NAPB: variants seen among roughly 807,000 people sequenced by gnomAD.
NAPB encodes beta-soluble NSF attachment protein.
In NAPB, 26 loss-of-function variants were observed where a neutral mutation model predicts 44.7. The observed-to-expected ratio is 0.58, with a 90% CI of 0.43 to 0.81. The LOEUF (loss-of-function observed/expected upper bound fraction) is 0.81, where lower values mean the gene tolerates loss of function less well. Ranked by LOEUF, NAPB falls within the 30% of genes least tolerant of loss-of-function variation. NAPB has a pLI of 0.00. For synonymous variants in NAPB, 120 were observed against 116.8 expected (o/e 1.03, Z -0.18); for missense variants, 315 against 356.4 (o/e 0.88, Z 0.94).
intron 1 of NAPB, among the ~76,000 whole-genome samples, chr20:23,406,070 A>C (rs1253378939): frequency 2.0e-5 from 3 of 152,196 alleles, no homozygotes; most frequent in Non-Finnish European, 1.5e-5. Context: ...AGAGCTTGTG[A>C]AAGGGAGGTT....
intron 5 of NAPB, among the ~76,000 whole-genome samples, chr20:23,391,238 G>A (rs1983934874): frequency 6.6e-6 from 1 of 152,168 alleles, no homozygotes; most frequent in Non-Finnish European, 1.5e-5. Flanking sequence ...TTGAACCGGG[G>A]AGGCAGAGGT....
At chr20:23,393,793 T>G (rs1385395059) in intron 5 of NAPB, among the ~76,000 whole-genome samples, 1 of 151,994 alleles carries the variant, frequency 6.6e-6, no homozygotes, top group Non-Finnish European at 1.5e-5. Flanking sequence ...AGGTAATAAA[T>G]GAGCAAAAAT....
intron 10 of NAPB, 194 bp downstream of exon 10, chr20:23,379,251 A>T (rs1192043083): frequency 2.1e-6 from 1 of 473,324 alleles, no homozygotes; most frequent in Non-Finnish European, 3.7e-6. Flanking sequence ...TTTGAGTGTA[A>T]GTCGAATCTC....
chr20:23,420,769 G>A (rs1002065842), intron 1 of NAPB, among the ~76,000 whole-genome samples: 2 of 151,878 alleles, frequency 1.3e-5, no homozygotes, highest in Non-Finnish European at 2.9e-5. Context: ...CAGGGCGAGG[G>A]GGGCGATCTG....
intron 1 of NAPB, among the ~76,000 whole-genome samples, chr20:23,410,239 G>A (rs2424545): frequency 0.3 from 45,230 of 151,910 alleles, 6,764 homozygotes; most frequent in Middle Eastern, 0.38. Context: ...TAAAGAAACC[G>A]CACTTAACTG....
At chr20:23,404,715 T>C (rs1985108335) in intron 1 of NAPB, among the ~76,000 whole-genome samples, 1 of 152,210 alleles carries the variant, frequency 6.6e-6, no homozygotes, top group Admixed American at 6.5e-5. Flanking sequence ...ATGGAAGGCA[T>C]AAAAACCTTT....
chr20:23,382,318 CAAAG>C (rs1449720770), intron 7 of NAPB, among the ~76,000 whole-genome samples: 1 of 114,232 alleles, frequency 8.8e-6, no homozygotes, highest in East Asian at 4.3e-4. Flanking sequence ...AGAGGAATGT[CAAAG>C]AAGGCCAACT....
chr20:23,409,570 C>T (rs1336612447), intron 1 of NAPB, among the ~76,000 whole-genome samples: 2 of 152,148 alleles, frequency 1.3e-5, no homozygotes, highest in Non-Finnish European at 2.9e-5. Context: ...ATGACTGTTA[C>T]ATACAACCTG....
chr20:23,413,650 T>C (rs1326661639), intron 1 of NAPB, among the ~76,000 whole-genome samples: 2 of 151,944 alleles, frequency 1.3e-5, no homozygotes, highest in African/African-American at 4.8e-5. Flanking sequence ...AGAAGAAAAT[T>C]ACTAAAACAG....
intron 7 of NAPB, 25 bp from the exon 8 acceptor site, chr20:23,381,342 T>C (rs1343758989): frequency 6.9e-7 from 1 of 1,448,050 alleles, no homozygotes; most frequent in Non-Finnish European, 9.3e-7. Context: ...CAGAGTTAAA[T>C]TTAAAAGATT....
intron 1 of NAPB, among the ~76,000 whole-genome samples, chr20:23,418,415 A>T (rs1986149607): frequency 1.3e-5 from 2 of 152,200 alleles, no homozygotes; most frequent in Admixed American, 1.3e-4. Flanking sequence ...GATTCTAAAC[A>T]TCTAAAATTG....
intron 5 of NAPB, among the ~76,000 whole-genome samples, chr20:23,393,705 G>A (rs1340742134): frequency 6.6e-6 from 1 of 152,196 alleles, no homozygotes; most frequent in Admixed American, 6.5e-5. Context: ...AAGAAGTTAA[G>A]TGAGGTGTGT....
At chr20:23,398,893 T>C (rs536827453) in intron 2 of NAPB, among the ~76,000 whole-genome samples, 109 of 137,298 alleles carry the variant, frequency 7.9e-4, no homozygotes, top group Middle Eastern at 3.9e-3. Context: ...AGACAGGTGC[T>C]ATGTTGCCCA....
At chr20:23,384,475 G>C (rs1983312519) in intron 7 of NAPB, among the ~76,000 whole-genome samples, 1 of 151,904 alleles carries the variant, frequency 6.6e-6, no homozygotes, top group African/African-American at 2.4e-5. Context: ...AAATAGCCAG[G>C]TGTGGTGGTG....
intron 2 of NAPB, 139 bp downstream of exon 2, chr20:23,402,854 G>A: frequency 1.5e-6 from 1 of 649,940 alleles, no homozygotes. Flanking sequence ...TATGTCAGTA[G>A]CAGCCACATC....
At position 23,381,236 on chromosome 20, in the gene NAPB, T is replaced by C; in HGVS notation, c.643A>G (p.Ile215Val). 7.4e-6 allele frequency: 12 copies of C among 1,613,556 alleles called. No homozygotes were observed. Among genetic ancestry groups the C allele is most frequent in the Non-Finnish European group, 9.3e-6 (11 of 1,179,686 alleles). Reference protein sequence around the residue: ...YFFKAALCHFIVDELNAKLAL... With the variant: ...YFFKAALCHFVVDELNAKLAL... ...ACCTTGGCATTCAACTCGTCTACTA[T>C]GAAGTGGCAGAGGGCAGCTTTGAAG... Residue 215 changes from isoleucine (I) to valine (V), a missense_variant, in exon 8 of 11, where the codon ATA (isoleucine) becomes GTA (valine). Physicochemically the swap from Ile to Val is conservative, Grantham distance 29 (BLOSUM62 3). Transcript: ENST00000377026.
At chr20:23,383,506 C>T (rs181447428) in intron 7 of NAPB, among the ~76,000 whole-genome samples, 1 of 152,180 alleles carries the variant, frequency 6.6e-6, no homozygotes, top group East Asian at 1.9e-4. Flanking sequence ...CACTTGATGT[C>T]AGAAGTTTGT....
At chr20:23,405,666 C>G (rs1985201183) in intron 1 of NAPB, among the ~76,000 whole-genome samples, 1 of 152,086 alleles carries the variant, frequency 6.6e-6, no homozygotes, top group Non-Finnish European at 1.5e-5. Context: ...GGAGGATGCA[C>G]TGAGCCGAGA....
intron 6 of NAPB, 59 bp downstream of exon 6, chr20:23,390,150 T>A (rs1983843188): frequency 6.5e-7 from 1 of 1,529,536 alleles, no homozygotes; most frequent in Non-Finnish European, 9.0e-7. Flanking sequence ...TATAAAGAAG[T>A]ATTTTTTTAT....
Sources: gnomAD v4.1 joint callset for allele counts (sites outside exome capture counted in the v4.1 genomes callset) on GRCh38, gnomAD v4.1.1 for gene constraint, MANE v1.5 for transcripts, NCBI Gene and HGNC (gene_info 2026-07-23, HGNC 2026-07-21) for gene names.